C8orf76: variants seen among roughly 807,000 people sequenced by gnomAD.
The protein encoded by C8orf76 is uncharacterized protein C8orf76.
Under a neutral mutation model 38.1 loss-of-function variants are expected in C8orf76, and 46 were observed. That is an observed-to-expected ratio of 1.21 (90% CI 0.95 to 1.54). C8orf76 has a LOEUF of 1.54. Ranked by LOEUF, C8orf76 falls within the 40% of genes most tolerant of loss-of-function variation. The pLI is 0.00. For missense variants in C8orf76, 461 were observed against 441.6 expected (o/e 1.04, Z -0.39); for synonymous variants, 166 against 167.5 (o/e 0.99, Z 0.07).
chr8:123,224,730 A>G (rs1824983519), intron 5 of C8orf76, among the ~76,000 whole-genome samples: 1 of 152,260 alleles, frequency 6.6e-6, no homozygotes, highest in South Asian at 2.1e-4. Context: ...CATTGTCTAC[A>G]CAGGAAACTA....
At chr8:123,234,566 C>T (rs1238337746) in intron 3 of C8orf76, among the ~76,000 whole-genome samples, 2 of 151,968 alleles carry the variant, frequency 1.3e-5, no homozygotes, top group Non-Finnish European at 2.9e-5. Flanking sequence ...CTCAGGAGTT[C>T]GAGACCAGAC....
rs149023027 is a variant in C8orf76, at chr8:123,237,122, C to T, written c.357+676G>A. The T allele has an allele frequency of 6.3e-4, 588 of 934,962 alleles. 3 individuals are homozygous for T. The African/African-American group carries it at 8.5e-3, about 14-fold the overall frequency. The allele number at this position is 934,962 out of a possible 1,614,324, so 57.9% of individuals were successfully genotyped here. A position where few individuals can be genotyped will look rare whatever the true frequency, so the allele number is the denominator to read the frequency against. Reference sequence around the variant, plus strand: ...ATACAACTACAACAAGATGATCTGCCGCAAGTGCTGTGCCCGCCTGCACCA... The same window carrying T: ...ATACAACTACAACAAGATGATCTGCTGCAAGTGCTGTGCCCGCCTGCACCA... On this transcript the variant is annotated intron_variant, in intron 3 of 5. Coordinates refer to ENST00000276704, the MANE Select transcript of C8orf76 (RefSeq NM_032847.3).
At chr8:123,233,802 G>A (rs1012319971) in intron 3 of C8orf76, among the ~76,000 whole-genome samples, 1 of 151,970 alleles carries the variant, frequency 6.6e-6, no homozygotes, top group Non-Finnish European at 1.5e-5. Flanking sequence ...GCCAAGGCGG[G>A]CGGATCATGA....
chr8:123,230,327 G>C (rs527420905), intron 4 of C8orf76, among the ~76,000 whole-genome samples: 3 of 152,126 alleles, frequency 2.0e-5, no homozygotes, highest in Non-Finnish European at 4.4e-5. Flanking sequence ...TCAAATACAA[G>C]AGCTAATTTT....
Position 123,241,318 on chromosome 8 carries a change from C to T in C8orf76, c.29G>A (p.Gly10Asp). 1 of 1,572,438 alleles carries T rather than the reference C, an allele frequency of 6.4e-7. No homozygotes were observed. The highest frequency in any genetic ancestry group is 8.6e-7 in the Non-Finnish European group (1 of 1,164,728). MDSGCWLFG[G>D]EFEDSVFEER... ...CTCGAACACCGAGTCCTCGAACTCGCCGCCGAACAACCAGCACCCGGAATC... is the reference window on the plus strand; with the variant it reads ...CTCGAACACCGAGTCCTCGAACTCGTCGCCGAACAACCAGCACCCGGAATC... The change falls in exon 1 of 6, where the codon GGC becomes GAC. Residue 10 changes from glycine to aspartate, a missense_variant. By Grantham distance (94) the Gly-to-Asp change is moderately conservative. Coordinates refer to ENST00000276704, the MANE Select transcript of C8orf76 (RefSeq NM_032847.3).
chr8:123,233,123 C>A (rs974144825), intron 3 of C8orf76, among the ~76,000 whole-genome samples: 2 of 151,936 alleles, frequency 1.3e-5, no homozygotes, highest in Non-Finnish European at 2.9e-5. Flanking sequence ...CTGGTTCAAG[C>A]AATCCTCCTG....
chr8:123,231,599 C>T lies in C8orf76; in HGVS notation c.516G>A (p.Glu172=). ...FNPWNWGKLA[E]AYLNLGPALS... is the part of the protein sequence containing the mutation. ...GAGCTGGCCCCAGATTCAGGTAAGC[C>T]TCTGCCAATTTGCCCCAGTTCCAAG... The change falls in exon 4 of 6, where the codon GAG becomes GAA. Residue 172 remains glutamate (E), a synonymous_variant. Transcript: ENST00000276704. The T allele has an allele frequency of 5.0e-6, 8 of 1,614,216 alleles. No homozygotes were observed. The highest frequency in any genetic ancestry group is 1.1e-5 in the South Asian group (1 of 91,080).
intron 5 of C8orf76, among the ~76,000 whole-genome samples, chr8:123,225,914 G>A (rs1162506235): frequency 6.7e-6 from 1 of 150,234 alleles, no homozygotes; most frequent in Non-Finnish European, 1.5e-5. Context: ...GACAAAGCAA[G>A]ACTCTGTCTC....
chr8:123,237,259 T>G (rs939206523), intron 3 of C8orf76, among the ~76,000 whole-genome samples: 1 of 152,204 alleles, frequency 6.6e-6, no homozygotes, highest in Non-Finnish European at 1.5e-5. Flanking sequence ...TGCCCAGGCC[T>G]CATGGCCCTG....
chr8:123,232,774 T>C (rs1309223194), intron 3 of C8orf76, among the ~76,000 whole-genome samples: 1 of 152,236 alleles, frequency 6.6e-6, no homozygotes, highest in Non-Finnish European at 1.5e-5. Flanking sequence ...TCTCGTTTTA[T>C]TGTTACTATT....
intron 3 of C8orf76, chr8:123,236,903 G>A (rs1266527126): frequency 3.6e-6 from 4 of 1,108,028 alleles, no homozygotes; most frequent in Non-Finnish European, 5.5e-6. Flanking sequence ...CCTTGAGATC[G>A]AGCCCAGCAA....
chr8:123,239,624 T>A (rs1420911564), intron 1 of C8orf76: 3 of 154,646 alleles, frequency 1.9e-5, no homozygotes, highest in Non-Finnish European at 4.3e-5. Flanking sequence ...CTAGGATACT[T>A]TATTTGCTTT....
At chr8:123,241,157 AGGCCGG>A (rs1221546560) in intron 1 of C8orf76, 67 bp downstream of exon 1, 10 of 1,428,564 alleles carry the variant, frequency 7.0e-6, no homozygotes, top group Non-Finnish European at 8.3e-6. Context: ...GGAGGGGCCG[AGGCCGG>A]GGCCGGGGCC....
At chr8:123,223,444 C>A (rs1265634515) in intron 5 of C8orf76, among the ~76,000 whole-genome samples, 1 of 152,078 alleles carries the variant, frequency 6.6e-6, no homozygotes. Context: ...CCCTTCTCTA[C>A]TAAAAACATA....
At chr8:123,220,360 T>TA (rs1824868153) in intron 5 of C8orf76, 63 bp from the exon 6 acceptor site, 1 of 1,255,622 alleles carries the variant, frequency 8.0e-7, no homozygotes, top group African/African-American at 1.5e-5. Flanking sequence ...GAATGCTAGT[T>TA]ATCAACTGCG....
At chr8:123,230,759 C>T (rs966609987) in intron 4 of C8orf76, among the ~76,000 whole-genome samples, 1 of 152,004 alleles carries the variant, frequency 6.6e-6, no homozygotes, top group Non-Finnish European at 1.5e-5. Flanking sequence ...CAGCGATTCC[C>T]CTGCCTCAGC....
At position 123,231,558 on chromosome 8, in the gene C8orf76, G is replaced by C. The variant is rs149988027; in HGVS notation, c.557C>G (p.Ala186Gly). ...NLGPALSAAL[A>G]SSQKQHSFTS... ...GAAACTGTGCTGTTTCTGAGATGAC[G>C]CAAGTGCTGCTGAAAGAGCTGGCCC... The change falls in exon 4 of 6, where the codon GCG (alanine) becomes GGG (glycine). Residue 186 changes from alanine to glycine, a missense_variant. Coordinates refer to ENST00000276704, the MANE Select transcript of C8orf76 (RefSeq NM_032847.3). 5 of 1,614,196 alleles carry C rather than the reference G, an allele frequency of 3.1e-6. No individual in the cohort carries two copies. Among genetic ancestry groups the C allele is most frequent in the Non-Finnish European group, 4.2e-6 (5 of 1,180,042 alleles).
chr8:123,227,068 G>A (rs138522938), intron 4 of C8orf76, among the ~76,000 whole-genome samples: 196 of 152,072 alleles, frequency 1.3e-3, no homozygotes, highest in African/African-American at 4.6e-3. Flanking sequence ...CCATCTCGCT[G>A]ACCCCACAGC....
At chr8:123,238,967 A>C in intron 2 of C8orf76, 82 bp downstream of exon 2, 2 of 1,397,094 alleles carry the variant, frequency 1.4e-6, no homozygotes, top group Non-Finnish European at 2.0e-6. Context: ...TAAACACCAC[A>C]CTAACTTGGT....
Sources: gnomAD v4.1 joint callset for allele counts (sites outside exome capture counted in the v4.1 genomes callset) on GRCh38, gnomAD v4.1.1 for gene constraint, MANE v1.5 for transcripts, NCBI Gene and HGNC (gene_info 2026-07-23, HGNC 2026-07-21) for gene names.